Variants in ZNF521 observed in about 807,000 individuals in gnomAD.
ZNF521 encodes the protein zinc finger protein 521, also known as LYST-interacting protein 3.
A neutral mutation model predicts 105.5 loss-of-function variants in ZNF521; 14 were observed. The ratio of observed to expected loss-of-function variants is 0.13; its 90% CI spans 0.09 to 0.21. The LOEUF is 0.21. ZNF521 is among the 10% of genes least tolerant of loss of function. ZNF521 has a pLI of 1.00. For missense variants in ZNF521, 1,233 were observed against 1,629.7 expected (o/e 0.76, Z 4.19); for synonymous variants, 635 against 606.0 (o/e 1.05, Z -0.70).
chr18:25,277,771 C>T (rs1033557616), intron 3 of ZNF521, among the ~76,000 whole-genome samples: 11 of 152,144 alleles, frequency 7.2e-5, no homozygotes, highest in African/African-American at 2.7e-4. Flanking sequence ...CTTGAATTAA[C>T]AGTTATCATT....
At chr18:25,108,087 A>AT (rs1443476426) in intron 5 of ZNF521, among the ~76,000 whole-genome samples, 1 of 152,200 alleles carries the variant, frequency 6.6e-6, no homozygotes, top group Non-Finnish European at 1.5e-5. Context: ...TAACACTTTC[A>AT]TTTTCAAGTC....
At chr18:25,244,476 T>C (rs1310009678) in intron 3 of ZNF521, among the ~76,000 whole-genome samples, 3 of 152,154 alleles carry the variant, frequency 2.0e-5, no homozygotes, top group South Asian at 2.1e-4. Flanking sequence ...CCACTCCTCC[T>C]GTTCTAGAGG....
rs760622749 is a variant in ZNF521 at position 25,092,065 on chromosome 18, A to G, written c.3675T>C (p.His1225=). The change falls in exon 6 of 8, where the codon CAT becomes CAC. Residue 1225 remains histidine (H), a synonymous_variant. Coordinates refer to ENST00000361524, the MANE Select transcript of ZNF521 (RefSeq NM_015461.3). The part of the protein sequence containing the change: ...ANHMIDEGLN[H]ECKLCSQTFD... ...AGGTCTGGCTGCAGAGTTTGCATTCATGGTTCAGTCCTTCATCTGTCAAGG... is the reference window on the plus strand; with the variant it reads ...AGGTCTGGCTGCAGAGTTTGCATTCGTGGTTCAGTCCTTCATCTGTCAAGG... 3 of 1,613,852 alleles carry G rather than the reference A, an allele frequency of 1.9e-6. No individual in the cohort carries two copies. The highest frequency in any genetic ancestry group is 1.7e-6 in the Non-Finnish European group (2 of 1,179,852).
chr18:25,343,480 C>T (rs1448818593), intron 2 of ZNF521, among the ~76,000 whole-genome samples: 3 of 152,132 alleles, frequency 2.0e-5, no homozygotes, highest in Non-Finnish European at 4.4e-5. Context: ...AACTGAGGGA[C>T]GTAAACTCTT....
chr18:25,284,083 A>G (rs1316986717), intron 3 of ZNF521, among the ~76,000 whole-genome samples: 1 of 152,190 alleles, frequency 6.6e-6, no homozygotes, highest in Admixed American at 6.5e-5. Context: ...AGTAAACATG[A>G]GCCTGAGCCC....
chr18:25,205,280 T>C (rs1188944504), intron 4 of ZNF521, among the ~76,000 whole-genome samples: 1 of 152,024 alleles, frequency 6.6e-6, no homozygotes, highest in Non-Finnish European at 1.5e-5. Context: ...TTATAATTCA[T>C]AGTAAATTCT....
At chr18:25,169,837 T>G (rs1310959093) in intron 5 of ZNF521, among the ~76,000 whole-genome samples, 1 of 152,210 alleles carries the variant, frequency 6.6e-6, no homozygotes, top group African/African-American at 2.4e-5. Flanking sequence ...CTCACTATAC[T>G]AATAAGGTCC....
At chr18:25,154,798 G>T (rs1006065381) in intron 5 of ZNF521, among the ~76,000 whole-genome samples, 9 of 152,264 alleles carry the variant, frequency 5.9e-5, no homozygotes, top group African/African-American at 2.2e-4. Context: ...ATGCATTGAT[G>T]AAGACTTAAG....
intron 4 of ZNF521, among the ~76,000 whole-genome samples, chr18:25,213,628 G>C (rs1438024033): frequency 1.3e-5 from 2 of 151,972 alleles, no homozygotes; most frequent in Non-Finnish European, 2.9e-5. Flanking sequence ...GTCTGGTTTT[G>C]ATATCAGGAT....
At chr18:25,276,188 G>C (rs1015467404) in intron 3 of ZNF521, among the ~76,000 whole-genome samples, 1 of 151,854 alleles carries the variant, frequency 6.6e-6, no homozygotes, top group Non-Finnish European at 1.5e-5. Context: ...AGCAAAGAGG[G>C]GCTTCATCAC....
chr18:25,190,739 G>GA (rs2035804439), intron 5 of ZNF521, among the ~76,000 whole-genome samples: 1 of 152,138 alleles, frequency 6.6e-6, no homozygotes, highest in South Asian at 2.1e-4. Flanking sequence ...CCTGCCACAA[G>GA]AACAGACTAA....
intron 3 of ZNF521, among the ~76,000 whole-genome samples, chr18:25,253,011 C>T (rs1333577704): frequency 6.6e-6 from 1 of 152,120 alleles, no homozygotes; most frequent in African/African-American, 2.4e-5. Flanking sequence ...TAGTTACTAC[C>T]ATTCAACTGA....
At chr18:25,072,454 TG>T (rs2033248791) in intron 7 of ZNF521, among the ~76,000 whole-genome samples, 1 of 152,158 alleles carries the variant, frequency 6.6e-6, no homozygotes, top group East Asian at 1.9e-4. Context: ...CCCTATCTGT[TG>T]TGCATACCTG....
At chr18:25,220,816 G>A (rs527621616) in intron 4 of ZNF521, among the ~76,000 whole-genome samples, 5 of 152,272 alleles carry the variant, frequency 3.3e-5, no homozygotes, top group Admixed American at 2.0e-4. Context: ...ATCTACTGTA[G>A]AACTTCAAAG....
At chr18:25,207,239 C>T (rs1233819170) in intron 4 of ZNF521, among the ~76,000 whole-genome samples, 1 of 152,108 alleles carries the variant, frequency 6.6e-6, no homozygotes, top group Admixed American at 6.6e-5. Flanking sequence ...CTGACCTTGC[C>T]CATGACTCAC....
At chr18:25,124,525 G>A (rs1445352402) in intron 5 of ZNF521, among the ~76,000 whole-genome samples, 1 of 152,130 alleles carries the variant, frequency 6.6e-6, no homozygotes, top group Non-Finnish European at 1.5e-5. Flanking sequence ...TAATTTCAGA[G>A]CCATCCTTTA....
rs150250688 is a variant in ZNF521 at position 25,227,002 on chromosome 18, C to T, written c.916G>A (p.Gly306Arg). 2,250 of 1,614,128 alleles carry T rather than the reference C, an allele frequency of 1.4e-3. 2 individuals are homozygous for T. The highest frequency in any genetic ancestry group is 1.7e-3 in the Non-Finnish European group (2,061 of 1,180,012). ...ATGCTGCATGAGTTCTTCTTCTCCC[C>T]GCTATGCACCTGCTCCATGTGGTTC... is the stretch of plus-strand genomic sequence containing the variant. ...LMNHMEQVHS[G>R]EKKNSCSICS... Residue 306 changes from glycine to arginine, a missense_variant, in exon 4 of 8, where the codon GGG becomes AGG. Transcript: ENST00000361524. This position sits in a 1 kb window ranked among gnomAD's most constrained non-coding sequence, Gnocchi z 5.7.
At chr18:25,129,083 T>C (rs1337928305) in intron 5 of ZNF521, among the ~76,000 whole-genome samples, 1 of 151,788 alleles carries the variant, frequency 6.6e-6, no homozygotes, top group Non-Finnish European at 1.5e-5. Context: ...GATAGTATGG[T>C]ATTAGTGAAA....
intron 5 of ZNF521, among the ~76,000 whole-genome samples, chr18:25,116,901 G>A (rs1444830999): frequency 3.8e-5 from 5 of 133,222 alleles, no homozygotes; most frequent in South Asian, 2.3e-4. Context: ...ATATATATAT[G>A]TGTATATATA....
Sources: allele counts gnomAD v4.1 joint callset (sites outside exome capture counted in the v4.1 genomes callset), GRCh38; gene constraint gnomAD v4.1.1; non-coding constraint Gnocchi (gnomAD v3.1); transcripts MANE v1.5; gene names NCBI Gene and HGNC (gene_info 2026-07-23, HGNC 2026-07-21).